Variants in GAS7 observed in about 807,000 individuals in gnomAD.
GAS7 encodes the protein growth arrest specific 7.
A neutral mutation model predicts 71.1 loss-of-function variants in GAS7; 28 were observed. The observed-to-expected ratio is 0.39, with a 90% confidence interval of 0.29 to 0.54. The LOEUF is 0.54. GAS7 is among the 20% of genes least tolerant of loss of function. The probability of loss-of-function intolerance (pLI) is 0.62; values close to 1 mark genes in which losing one functional copy is unlikely to be tolerated. For missense variants in GAS7, 436 were observed against 627.8 expected (o/e 0.69, Z 3.27); for synonymous variants, 258 against 245.8 (o/e 1.05, Z -0.46).
At position 9,934,125 on chromosome 17, in the gene GAS7, G is replaced by A. The variant is rs776300097; in HGVS notation, c.885+41C>T. On this transcript the variant is annotated intron_variant, in intron 9 of 13. Coordinates refer to ENST00000432992, the MANE Select transcript of GAS7 (RefSeq NM_201433.2). ...TTGTTAACTATTTTTTAGTACCCCA[G>A]TGTGTAAGACCAACTGAGGGTGGCT... 5 of 1,270,892 alleles carry A rather than the reference G, an allele frequency of 3.9e-6. No homozygotes were observed. In the South Asian group the frequency reaches 4.7e-5, roughly 12 times the overall value. 78.7% of individuals were successfully genotyped at this position (1,270,892 alleles called of 1,614,324 possible). A position where few individuals can be genotyped will look rare whatever the true frequency, so the allele number is the denominator to read the frequency against.
At chr17:10,024,417 C>G (rs1340165189) in intron 1 of GAS7, among the ~76,000 whole-genome samples, 2 of 152,148 alleles carry the variant, frequency 1.3e-5, no homozygotes, top group African/African-American at 4.8e-5. Context: ...CCCTTCAATT[C>G]TGTCAGCACT....
intron 3 of GAS7, among the ~76,000 whole-genome samples, chr17:9,978,989 C>A (rs1567848396): frequency 6.6e-6 from 1 of 152,154 alleles, no homozygotes; most frequent in Non-Finnish European, 1.5e-5. Context: ...CCTCTACCCA[C>A]TAAATGCCTG....
intron 1 of GAS7, among the ~76,000 whole-genome samples, chr17:10,092,454 T>C (rs1386186507): frequency 6.6e-6 from 1 of 152,232 alleles, no homozygotes; most frequent in Admixed American, 6.5e-5. Context: ...ACAACTGCTG[T>C]TCAATAGAAA....
chr17:10,075,695 TGAA>T (rs973209011), intron 1 of GAS7, among the ~76,000 whole-genome samples: 7 of 151,198 alleles, frequency 4.6e-5, no homozygotes, highest in Non-Finnish European at 1.0e-4. Flanking sequence ...CTCAGGAGGC[TGAA>T]GAAGGAGGAT....
intron 6 of GAS7, among the ~76,000 whole-genome samples, chr17:9,946,142 G>A (rs1463509373): frequency 6.6e-6 from 1 of 152,082 alleles, no homozygotes; most frequent in African/African-American, 2.4e-5. Flanking sequence ...TTCCAGAAAG[G>A]GGTGATCTAA....
chr17:10,052,509 C>G (rs535200605), intron 1 of GAS7, among the ~76,000 whole-genome samples: 1 of 152,360 alleles, frequency 6.6e-6, no homozygotes, highest in East Asian at 1.9e-4. Flanking sequence ...TGAAATGACA[C>G]CCTAGAAGGA....
At chr17:10,022,699 G>A (rs151198468) in intron 1 of GAS7, among the ~76,000 whole-genome samples, 13 of 152,306 alleles carry the variant, frequency 8.5e-5, no homozygotes, top group South Asian at 2.1e-4. Context: ...TGAGGGATGC[G>A]CAATGAATGG....
intron 5 of GAS7, among the ~76,000 whole-genome samples, chr17:9,958,745 C>T (rs1307030933): frequency 6.6e-6 from 1 of 152,188 alleles, no homozygotes; most frequent in Non-Finnish European, 1.5e-5. Flanking sequence ...GCAGAAGCTG[C>T]CTGCTCCCCT....
In GAS7 at chr17:10,137,073, C is replaced by T. The variant is rs551992261; in HGVS notation, c.183+61135G>A. On this transcript the variant is annotated intron_variant, in intron 1 of 13. Coordinates refer to ENST00000432992, the MANE Select transcript of GAS7 (RefSeq NM_201433.2). ...AGGTTGCACTGAGCTGAGATCACGC[C>T]ACTGCACTACAGCCTGGGCAACCGA... Among the ~76,000 whole-genome samples the T allele has an allele frequency of 2.0e-5, 3 of 152,150 alleles. No individual in the cohort carries two copies. The South Asian group carries it at 6.2e-4, about 32-fold the overall frequency.
rs1567567297 is a variant in GAS7, at chr17:10,046,848, A to AAGGAAG, written c.184-26952_184-26951insCTTCCT. 3.4e-4 allele frequency among the ~76,000 whole-genome samples: 42 copies of AAGGAAG among 124,234 alleles called. 3 individuals are homozygous for AAGGAAG. Among genetic ancestry groups the AAGGAAG allele is most frequent in the East Asian group, 2.0e-3 (9 of 4,394 alleles). 81.5% of individuals were successfully genotyped at this position (124,234 alleles called of 152,430 possible). A position where few individuals can be genotyped will look rare whatever the true frequency, so the allele number is the denominator to read the frequency against. On this transcript the variant is annotated intron_variant, in intron 1 of 13. Coordinates refer to ENST00000432992, the MANE Select transcript of GAS7 (RefSeq NM_201433.2). ...AGGAAGGAAGGAAGGAAGGAAGGAA[A>AAGGAAG]GAAAAGAAAAGAAAAAAGAAAAGAA...
At chr17:9,976,460 G>A (rs2070207709) in intron 3 of GAS7, among the ~76,000 whole-genome samples, 2 of 152,210 alleles carry the variant, frequency 1.3e-5, no homozygotes, top group Admixed American at 1.3e-4. Context: ...GAGGAGAGCT[G>A]TCCCAGGCTT....
chr17:10,057,893 TTC>T (rs2073168818), intron 1 of GAS7, among the ~76,000 whole-genome samples: 1 of 152,280 alleles, frequency 6.6e-6, no homozygotes, highest in African/African-American at 2.4e-5. Flanking sequence ...CTCCATTTTG[TTC>T]TGTACTAAGA....
In GAS7 at chr17:9,995,384, G is replaced by A. The variant is rs1284861214; in HGVS notation, c.305-13500C>T. Among the ~76,000 whole-genome samples the A allele has an allele frequency of 4.6e-5, 7 of 152,208 alleles. No homozygotes were observed. The East Asian group carries it at 1.3e-3, about 29-fold the overall frequency. On this transcript the variant is annotated intron_variant, in intron 2 of 13. Transcript: ENST00000432992. ...ATGTAGATAAAAAGAAAGATAAAGA[G>A]ACGAGGGAAAGACCAAGAAGGGGGC...
At chr17:10,148,769 G>A (rs2074141011) in intron 1 of GAS7, among the ~76,000 whole-genome samples, 1 of 151,988 alleles carries the variant, frequency 6.6e-6, no homozygotes, top group East Asian at 1.9e-4. Context: ...AATTAGCTGG[G>A]CATGGTGGCG....
intron 1 of GAS7, among the ~76,000 whole-genome samples, chr17:10,120,386 C>T (rs2073894826): frequency 6.6e-6 from 1 of 152,184 alleles, no homozygotes; most frequent in African/African-American, 2.4e-5. Flanking sequence ...TCTGCTGAGT[C>T]TCCCACAAAT....
chr17:10,064,145 C>T (rs990392165), intron 1 of GAS7, among the ~76,000 whole-genome samples: 3 of 152,220 alleles, frequency 2.0e-5, no homozygotes, highest in Non-Finnish European at 2.9e-5. Flanking sequence ...GGCTCTCTCA[C>T]TCAATCCCCT....
chr17:10,171,130 A>T (rs1001881432), intron 1 of GAS7, among the ~76,000 whole-genome samples: 6 of 152,236 alleles, frequency 3.9e-5, no homozygotes, highest in African/African-American at 1.4e-4. Context: ...GGAAAATCCT[A>T]AAACTTCCTT....
intron 9 of GAS7, among the ~76,000 whole-genome samples, chr17:9,927,989 G>A (rs146587100): frequency 6.5e-4 from 99 of 152,226 alleles, no homozygotes; most frequent in African/African-American, 2.3e-3. Context: ...GGTGGCATCA[G>A]GGTTTTAAGC....
chr17:9,982,820 GA>G (rs2070466463), intron 2 of GAS7, among the ~76,000 whole-genome samples: 1 of 89,714 alleles, frequency 1.1e-5, no homozygotes, highest in Non-Finnish European at 2.2e-5. Flanking sequence ...AGAAAGGAAA[GA>G]AAGGAAAGAA....
Sources: gnomAD v4.1 joint callset for allele counts (sites outside exome capture counted in the v4.1 genomes callset) on GRCh38, gnomAD v4.1.1 for gene constraint, MANE v1.5 for transcripts, NCBI Gene and HGNC (gene_info 2026-07-23, HGNC 2026-07-21) for gene names.